The following HIVEP3 variants were observed in gnomAD, a reference collection of about 807,000 sequenced individuals.
HIVEP3 encodes transcription factor HIVEP3.
Under a neutral mutation model 152.8 loss-of-function variants are expected in HIVEP3, and 49 were observed. The ratio of observed to expected loss-of-function variants is 0.32; its 90% CI spans 0.26 to 0.41. The LOEUF is 0.41. Among genes scored for constraint, HIVEP3 ranks in the 10% least tolerant of loss-of-function variants. The pLI, the probability that HIVEP3 is intolerant of heterozygous loss-of-function variation, is 1.00. For synonymous variants in HIVEP3, 1,269 were observed against 1,289.0 expected (o/e 0.98, Z 0.33); for missense variants, 2,790 against 3,103.3 (o/e 0.90, Z 2.40).
In HIVEP3 at chr1:41,582,793, G is replaced by C; in HGVS notation, c.2005C>G (p.Leu669Val). Residue 669 changes from leucine to valine, a missense_variant, in exon 4 of 9, where the codon CTT becomes GTT. Physicochemically the swap from Leu to Val is conservative, Grantham distance 32. Transcript: ENST00000372583. The surrounding 1 kb of genome is among the most constrained non-coding windows in gnomAD (Gnocchi z 4.7). ...GCAGAGATGGGCTTTGCGATCTGAA[G>C]CTCTGAGCAGTAGTATTTTTTGTGG... The part of the protein sequence containing the change: ...EAHKKYYCSE[L>V]QIAKPISAGT... 1 of 1,614,204 alleles carries C rather than the reference G, an allele frequency of 6.2e-7. No homozygotes were observed.
chr1:41,805,864 C>T lies in HIVEP3; in HGVS notation c.-800-104869G>A, dbSNP rs1171162204. Among the ~76,000 whole-genome samples the T allele has an allele frequency of 2.0e-5, 3 of 152,148 alleles. No individual in the cohort carries two copies. The East Asian group carries it at 5.8e-4, about 29-fold the overall frequency. ...GGGGGTCTGATTTGTGTCTCTCAGG[C>T]CACCTTACGCCTTGTGTTCTGTGTG... On this transcript the variant is annotated intron_variant, in intron 1 of 8. Transcript: ENST00000372583.
At chr1:42,007,526 G>T (rs1404282066) in intron 1 of HIVEP3, among the ~76,000 whole-genome samples, 8 of 152,162 alleles carry the variant, frequency 5.3e-5, no homozygotes, top group African/African-American at 1.9e-4. Flanking sequence ...CTGGCTTTTT[G>T]CCATCTCTGA....
intron 1 of HIVEP3, among the ~76,000 whole-genome samples, chr1:42,011,295 G>A (rs980680680): frequency 3.9e-5 from 6 of 152,166 alleles, no homozygotes; most frequent in East Asian, 3.8e-4. Context: ...CCAATATAAT[G>A]TGGAGGGCAA....
chr1:41,541,066 G>A (rs1643519915), intron 5 of HIVEP3, among the ~76,000 whole-genome samples: 1 of 152,150 alleles, frequency 6.6e-6, no homozygotes, highest in Admixed American at 6.5e-5. Flanking sequence ...AGGACGCTGC[G>A]AGTGCAGTGG....
intron 1 of HIVEP3, among the ~76,000 whole-genome samples, chr1:41,875,344 C>G (rs1644151543): frequency 1.3e-5 from 2 of 152,216 alleles, no homozygotes; most frequent in Non-Finnish European, 1.5e-5. Flanking sequence ...CCCTCCAGCT[C>G]CCCATCCATC....
At chr1:41,559,094 C>T (rs546691780) in intron 5 of HIVEP3, among the ~76,000 whole-genome samples, 1 of 152,234 alleles carries the variant, frequency 6.6e-6, no homozygotes, top group South Asian at 2.1e-4. Flanking sequence ...CCATCCATAG[C>T]ACAGATCCAA....
intron 1 of HIVEP3, among the ~76,000 whole-genome samples, chr1:41,866,696 G>A (rs945600964): frequency 6.6e-6 from 1 of 152,156 alleles, no homozygotes; most frequent in Non-Finnish European, 1.5e-5. Flanking sequence ...TCTGACCTTG[G>A]GTATTTTCCC....
In HIVEP3 at chr1:41,513,519, T is replaced by A. The variant is rs757594226; in HGVS notation, c.5702A>T (p.Gln1901Leu). 3 of 1,604,012 alleles carry A rather than the reference T, an allele frequency of 1.9e-6. No homozygotes were observed. The African/African-American group carries it at 4.0e-5, about 21-fold the overall frequency. ...GCCAGAGGCGGGGGCATCTGGGGGC[T>A]GAGGGCCCAGGATGGGTGAGGAGTC... Reference protein sequence around the residue: ...RADSSPILGPQPPDAPASGTE... With the variant: ...RADSSPILGPLPPDAPASGTE... The change falls in exon 8 of 9, where the codon CAG becomes CTG. Residue 1901 changes from glutamine to leucine, a missense_variant. Transcript: ENST00000372583.
intron 1 of HIVEP3, among the ~76,000 whole-genome samples, chr1:41,788,320 C>A (rs1168748053): frequency 6.6e-6 from 1 of 152,192 alleles, no homozygotes; most frequent in Admixed American, 6.5e-5. Context: ...ATCTGTAAGA[C>A]CGCTTAGAGG....
intron 2 of HIVEP3, among the ~76,000 whole-genome samples, chr1:41,659,129 G>A (rs1038521930): frequency 3.9e-5 from 6 of 152,222 alleles, no homozygotes; most frequent in Non-Finnish European, 8.8e-5. Context: ...CTGCAAGTAT[G>A]GCCTCTTCCT....
chr1:41,753,335 G>T (rs1647195096), intron 1 of HIVEP3, among the ~76,000 whole-genome samples: 1 of 152,104 alleles, frequency 6.6e-6, no homozygotes, highest in African/African-American at 2.4e-5. Flanking sequence ...TCACTCCAAG[G>T]ATATTCATGT....
At chr1:41,529,972 G>A (rs1466285012) in intron 5 of HIVEP3, among the ~76,000 whole-genome samples, 11 of 91,202 alleles carry the variant, frequency 1.2e-4, no homozygotes, top group African/African-American at 2.7e-4. Flanking sequence ...AGTCACACAC[G>A]CTCACACCCA....
At chr1:41,738,961 T>C (rs948247897) in intron 1 of HIVEP3, among the ~76,000 whole-genome samples, 7 of 152,338 alleles carry the variant, frequency 4.6e-5, no homozygotes, top group South Asian at 4.1e-4. Flanking sequence ...GACCACAACA[T>C]TTCACGTAGT....
At chr1:41,800,849 C>T (rs1650260338) in intron 1 of HIVEP3, among the ~76,000 whole-genome samples, 2 of 152,162 alleles carry the variant, frequency 1.3e-5, no homozygotes, top group South Asian at 4.1e-4. Flanking sequence ...TATGCCCTTC[C>T]TGCTTCTCCC....
chr1:41,695,701 G>C (rs1332766625), intron 2 of HIVEP3, among the ~76,000 whole-genome samples: 1 of 152,254 alleles, frequency 6.6e-6, no homozygotes, highest in Non-Finnish European at 1.5e-5. Context: ...TGTGGGCAGA[G>C]AGAAATGCCC....
At chr1:41,737,343 C>T (rs559814087) in intron 1 of HIVEP3, among the ~76,000 whole-genome samples, 21 of 152,344 alleles carry the variant, frequency 1.4e-4, no homozygotes, top group Admixed American at 5.2e-4. Context: ...CCACTGCCCA[C>T]AGTGCCTCCA....
chr1:41,521,899 C>T (rs1471261900), intron 6 of HIVEP3, among the ~76,000 whole-genome samples: 2 of 152,228 alleles, frequency 1.3e-5, no homozygotes, highest in Non-Finnish European at 2.9e-5. Flanking sequence ...CTCTGGGAAC[C>T]ATCTGAGAAG....
At chr1:41,807,590 T>A (rs1351289649) in intron 1 of HIVEP3, among the ~76,000 whole-genome samples, 1 of 152,128 alleles carries the variant, frequency 6.6e-6, no homozygotes, top group Non-Finnish European at 1.5e-5. Flanking sequence ...TTTCCCAGCC[T>A]GTCACCTCCA....
intron 3 of HIVEP3, among the ~76,000 whole-genome samples, chr1:41,598,801 A>G (rs1644703633): frequency 8.1e-6 from 1 of 122,764 alleles, no homozygotes; most frequent in African/African-American, 3.2e-5. Context: ...ATACAGTCAC[A>G]TGATGTTATT....
Sources: gnomAD v4.1 joint callset for allele counts (sites outside exome capture counted in the v4.1 genomes callset) on GRCh38, gnomAD v4.1.1 for gene constraint, Gnocchi (gnomAD v3.1) non-coding constraint, MANE v1.5 for transcripts, NCBI Gene and HGNC (gene_info 2026-07-23, HGNC 2026-07-21) for gene names.